Variants in ABLIM2 observed in about 807,000 individuals in gnomAD.
ABLIM2 encodes actin binding LIM protein family member 2.
A neutral mutation model predicts 97.7 loss-of-function variants in ABLIM2; 53 were observed. The observed-to-expected ratio is 0.54, with a 90% CI of 0.44 to 0.68. The LOEUF (loss-of-function observed/expected upper bound fraction) is 0.68, where lower values mean the gene tolerates loss of function less well. Among genes scored for constraint, ABLIM2 ranks in the 30% least tolerant of loss-of-function variants. The pLI, the probability that ABLIM2 is intolerant of heterozygous loss-of-function variation, is 0.00. For missense variants in ABLIM2, 835 were observed against 867.2 expected, an observed-to-expected ratio of 0.96 and a Z score of 0.47; for synonymous variants, 361 against 345.8, an observed-to-expected ratio of 1.04 and a Z score of -0.49.
intron 14 of ABLIM2, chr4:8,010,443 C>T (rs781293582): frequency 3.2e-5 from 32 of 985,738 alleles, no homozygotes; most frequent in South Asian, 1.9e-4. Context: ...CAGCGGGCGG[C>T]GGGCTCGGGC....
At position 8,069,701 on chromosome 4, in the gene ABLIM2, G is replaced by T. The variant is rs1318042237; in HGVS notation, c.675+7927C>A. On this transcript the variant is annotated intron_variant, in intron 6 of 20. Coordinates refer to ENST00000447017, the MANE Select transcript of ABLIM2 (RefSeq NM_001130083.2). This position sits in a 1 kb window ranked among gnomAD's most constrained non-coding sequence, Gnocchi z 4.2. ...CTCTGTGTGTGTTTGTGTGTTGTCT[G>T]TGTGTTGCTATGTGCAGTCTCTGTG... 6.6e-6 allele frequency among the ~76,000 whole-genome samples: 1 copy of T among 151,994 alleles called. No individual in the cohort carries two copies. Among genetic ancestry groups the T allele is most frequent in the Non-Finnish European group, 1.5e-5 (1 of 67,976 alleles).
chr4:8,093,692 C>T (rs12504271), intron 3 of ABLIM2, among the ~76,000 whole-genome samples: 38,807 of 152,070 alleles, frequency 0.26, 5,205 homozygotes, highest in East Asian at 0.32. Flanking sequence ...TCTATTGTCT[C>T]CTAGCATACA....
chr4:8,051,068 G>C (rs1371299519), intron 8 of ABLIM2, among the ~76,000 whole-genome samples: 1 of 152,254 alleles, frequency 6.6e-6, no homozygotes, highest in African/African-American at 2.4e-5. Context: ...AGTGGGGACA[G>C]TGAAGCTGTT....
chr4:8,020,207 AC>A lies in ABLIM2; in HGVS notation c.1363del (p.Val455SerfsTer6). 6.2e-7 allele frequency: 1 copy of A among 1,613,202 alleles called. No individual in the cohort carries two copies. On this transcript the variant is annotated frameshift_variant, in exon 13 of 21. Coordinates refer to ENST00000447017, the MANE Select transcript of ABLIM2 (RefSeq NM_001130083.2). LOFTEE classifies it high-confidence loss of function. ...CAGCGTGTCCCGGAGCCTACCTGGG[AC>A]GTGGAAGTGGCGAGGTGCCTGCTGG... ...TYQQAPRHFHVPDTGVKDNIY... is the reference protein window; with the variant it reads ...TYQQAPRHFHXPDTGVKDNIY...
chr4:8,016,808 C>T (rs568791045), intron 14 of ABLIM2, among the ~76,000 whole-genome samples: 4 of 152,184 alleles, frequency 2.6e-5, no homozygotes, highest in East Asian at 1.9e-4. Flanking sequence ...AATGAACGGA[C>T]GCCAGCTCCA....
In ABLIM2 at chr4:7,971,714, AC is replaced by A. The variant is rs1230366446; in HGVS notation, c.1825-4612del. On this transcript the variant is annotated intron_variant, in intron 20 of 20. Coordinates refer to ENST00000447017, the MANE Select transcript of ABLIM2 (RefSeq NM_001130083.2). ...CATCAGGGACAGGTTGCCCTGGCCT[AC>A]CCCCCTACCAACCTCCAGCCCTAAG... Among the ~76,000 whole-genome samples, 27 of 151,824 alleles carry A rather than the reference AC, an allele frequency of 1.8e-4. No individual in the cohort carries two copies. In the South Asian group the frequency reaches 2.9e-3, roughly 16 times the overall value.
intron 4 of ABLIM2, among the ~76,000 whole-genome samples, chr4:8,081,880 A>C (rs1050670157): frequency 1.3e-5 from 2 of 152,160 alleles, no homozygotes; most frequent in Admixed American, 1.3e-4. Flanking sequence ...CATGGATCAC[A>C]CACGTCCTCA....
intron 20 of ABLIM2, among the ~76,000 whole-genome samples, chr4:7,967,728 T>C (rs1359646340): frequency 6.6e-6 from 1 of 152,192 alleles, no homozygotes; most frequent in African/African-American, 2.4e-5. Context: ...AGGGCGTGGA[T>C]ACCAGTGCTT....
chr4:8,126,033 C>G (rs1847746125), intron 1 of ABLIM2, among the ~76,000 whole-genome samples: 1 of 152,312 alleles, frequency 6.6e-6, no homozygotes, highest in East Asian at 1.9e-4. Flanking sequence ...CCTCCAAGCC[C>G]CACGGTGAGG....
chr4:7,971,221 T>C (rs556176713), intron 20 of ABLIM2, among the ~76,000 whole-genome samples: 1 of 152,274 alleles, frequency 6.6e-6, no homozygotes, highest in South Asian at 2.1e-4. Flanking sequence ...TCCATGGGTC[T>C]GCCAGGGCAG....
chr4:8,078,657 C>T (rs1250055040), intron 5 of ABLIM2, among the ~76,000 whole-genome samples: 1 of 152,222 alleles, frequency 6.6e-6, no homozygotes, highest in East Asian at 1.9e-4. Flanking sequence ...AGTGAACAGG[C>T]CTGTGCTCAA....
intron 20 of ABLIM2, among the ~76,000 whole-genome samples, chr4:7,981,818 C>T (rs28461913): frequency 0.17 from 25,807 of 152,124 alleles, 2,752 homozygotes; most frequent in East Asian, 0.5. Context: ...CTTAGAGGTG[C>T]AGAAACCACA....
chr4:8,095,741 C>T lies in ABLIM2; in HGVS notation c.338+1358G>A, dbSNP rs1454818378. ...GGTAGAGCAGGTTCACTGTAGCCTTCGCTCTAGGGCTGTTTTGTCTTCTGG... is the reference window on the plus strand; with the variant it reads ...GGTAGAGCAGGTTCACTGTAGCCTTTGCTCTAGGGCTGTTTTGTCTTCTGG... On this transcript the variant is annotated intron_variant, in intron 3 of 20. Coordinates refer to ENST00000447017, the MANE Select transcript of ABLIM2 (RefSeq NM_001130083.2). The surrounding 1 kb of genome is among the most constrained non-coding windows in gnomAD (Gnocchi z 4.7). Among the ~76,000 whole-genome samples the T allele has an allele frequency of 3.3e-5, 5 of 152,090 alleles. No homozygotes were observed. Among genetic ancestry groups the T allele is most frequent in the African/African-American group, 4.8e-5 (2 of 41,414 alleles).
chr4:8,027,271 C>T (rs1174092005), intron 12 of ABLIM2, among the ~76,000 whole-genome samples: 1 of 152,218 alleles, frequency 6.6e-6, no homozygotes, highest in African/African-American at 2.4e-5. Flanking sequence ...GTGGATGGCT[C>T]ATCCACTCCT....
chr4:8,151,298 C>T (rs1283523127), intron 1 of ABLIM2, among the ~76,000 whole-genome samples: 1 of 152,140 alleles, frequency 6.6e-6, no homozygotes, highest in Non-Finnish European at 1.5e-5. Context: ...TTGTTGTAGG[C>T]CTGGAAGCTG....
intron 1 of ABLIM2, among the ~76,000 whole-genome samples, chr4:8,144,774 C>A (rs918260699): frequency 6.6e-6 from 1 of 152,274 alleles, no homozygotes; most frequent in Non-Finnish European, 1.5e-5. Context: ...ATGACCCCCG[C>A]TATGCTGCTG....
intron 2 of ABLIM2, among the ~76,000 whole-genome samples, chr4:8,102,821 A>ATGATTGG (rs1175605464): frequency 6.6e-6 from 1 of 152,208 alleles, no homozygotes; most frequent in Non-Finnish European, 1.5e-5. Flanking sequence ...GAGGACGGCC[A>ATGATTGG]TGATTGGGCT....
intron 3 of ABLIM2, among the ~76,000 whole-genome samples, chr4:8,090,731 G>A (rs775051780): frequency 1.7e-4 from 25 of 150,480 alleles, no homozygotes; most frequent in Non-Finnish European, 3.1e-4. Context: ...ATTTTTTTGC[G>A]GGATCACAGA....
chr4:8,003,784 C>T lies in ABLIM2; in HGVS notation c.1618+4275G>A, dbSNP rs1193318698. The stretch of plus-strand genomic sequence containing the variant: ...TTCACCATGTTGGTCAGGCTGGTCT[C>T]GAACTCCTGACCTCAGGTGATCTGC... On this transcript the variant is annotated intron_variant, in intron 16 of 20. Coordinates refer to ENST00000447017, the MANE Select transcript of ABLIM2 (RefSeq NM_001130083.2). The surrounding 1 kb of genome is among the most constrained non-coding windows in gnomAD (Gnocchi z 4.2). 6.6e-6 allele frequency among the ~76,000 whole-genome samples: 1 copy of T among 152,006 alleles called. No homozygotes were observed. The highest frequency in any genetic ancestry group is 6.5e-5 in the Admixed American group (1 of 15,274).
Sources: gnomAD v4.1 joint callset for allele counts (sites outside exome capture counted in the v4.1 genomes callset) on GRCh38, gnomAD v4.1.1 for gene constraint, Gnocchi (gnomAD v3.1) non-coding constraint, MANE v1.5 for transcripts, NCBI Gene and HGNC (gene_info 2026-07-23, HGNC 2026-07-21) for gene names.